Variants in ZCCHC7 observed in about 807,000 individuals in gnomAD.
ZCCHC7 encodes the protein zinc finger CCHC domain-containing protein 7.
ZCCHC7 carries 35 observed loss-of-function variants against 52.0 expected under a neutral mutation model. The observed-to-expected ratio is 0.67, with a 90% confidence interval of 0.51 to 0.89. The LOEUF (loss-of-function observed/expected upper bound fraction) is 0.89, where lower values mean the gene tolerates loss of function less well. Ranked by LOEUF, ZCCHC7 falls within the 40% of genes least tolerant of loss-of-function variation. ZCCHC7 has a pLI of 0.00. For missense variants in ZCCHC7, 574 were observed against 649.1 expected (o/e 0.88, Z 1.26); for synonymous variants, 217 against 221.5 (o/e 0.98, Z 0.18).
At chr9:37,298,664 T>A (rs939594742) in intron 2 of ZCCHC7, among the ~76,000 whole-genome samples, 3 of 152,212 alleles carry the variant, frequency 2.0e-5, no homozygotes, top group African/African-American at 7.2e-5. Context: ...CATTTTGGGA[T>A]GATGGAAATG....
At chr9:37,209,066 A>T (rs932095578) in intron 2 of ZCCHC7, among the ~76,000 whole-genome samples, 2 of 151,154 alleles carry the variant, frequency 1.3e-5, no homozygotes, top group African/African-American at 2.4e-5. Flanking sequence ...TTTGAGATGG[A>T]GTCTCACTCT....
At chr9:37,211,606 G>A (rs1205722760) in intron 2 of ZCCHC7, among the ~76,000 whole-genome samples, 1 of 152,032 alleles carries the variant, frequency 6.6e-6, no homozygotes, top group Non-Finnish European at 1.5e-5. Flanking sequence ...CTTAGTAATA[G>A]GATGTTAATT....
chr9:37,303,150 CGTG>C (rs1054221139), intron 3 of ZCCHC7, among the ~76,000 whole-genome samples: 4 of 152,010 alleles, frequency 2.6e-5, no homozygotes, highest in African/African-American at 9.7e-5. Flanking sequence ...GCTGGCCGGG[CGTG>C]GTGGCTCACA....
Position 37,289,126 on chromosome 9 carries a change from A to G in ZCCHC7, c.611-13062A>G, listed in dbSNP as rs574925236. 1.1e-3 allele frequency among the ~76,000 whole-genome samples: 164 copies of G among 149,980 alleles called. 1 individual carries two copies. Among genetic ancestry groups the G allele is most frequent in the African/African-American group, 3.3e-3 (135 of 40,932 alleles). ...TGCTGAGGCCAAAAACCTGGTAGTC[A>G]TCTTTTACTGTGTTCTTCTTTTACT... On this transcript the variant is annotated intron_variant, in intron 2 of 8. Coordinates refer to ENST00000336755, the MANE Select transcript of ZCCHC7 (RefSeq NM_032226.3).
At chr9:37,340,656 A>G (rs1174136557) in intron 6 of ZCCHC7, among the ~76,000 whole-genome samples, 1 of 152,202 alleles carries the variant, frequency 6.6e-6, no homozygotes, top group Non-Finnish European at 1.5e-5. Flanking sequence ...GACATGCTCC[A>G]AGGCATAAGT....
chr9:37,286,450 G>A (rs1828210712), intron 2 of ZCCHC7, among the ~76,000 whole-genome samples: 1 of 152,014 alleles, frequency 6.6e-6, no homozygotes, highest in African/African-American at 2.4e-5. Context: ...TTGAAATCAG[G>A]AGCTTGAGAC....
intron 2 of ZCCHC7, among the ~76,000 whole-genome samples, chr9:37,239,061 T>C (rs541955316): frequency 1.3e-5 from 2 of 152,262 alleles, no homozygotes; most frequent in South Asian, 4.1e-4. Context: ...GTGTTCTACA[T>C]AGATGAAAAG....
intron 6 of ZCCHC7, among the ~76,000 whole-genome samples, chr9:37,347,124 T>C (rs1458725327): frequency 6.6e-6 from 1 of 152,184 alleles, no homozygotes; most frequent in African/African-American, 2.4e-5. Context: ...CGTGGGGGTG[T>C]GCAGGGGTTA....
intron 4 of ZCCHC7, 92 bp downstream of exon 4, chr9:37,304,405 G>A (rs1226969682): frequency 8.2e-6 from 12 of 1,467,770 alleles, no homozygotes; most frequent in African/African-American, 1.4e-5. Flanking sequence ...TGTAATCCCA[G>A]CACTTTGGGA....
At chr9:37,271,793 C>T (rs1338225979) in intron 2 of ZCCHC7, among the ~76,000 whole-genome samples, 1 of 152,194 alleles carries the variant, frequency 6.6e-6, no homozygotes, top group Admixed American at 6.5e-5. Flanking sequence ...TGGTCTCAAA[C>T]TCCTGACCCC....
chr9:37,288,075 T>C (rs1402384447), intron 2 of ZCCHC7, among the ~76,000 whole-genome samples: 2 of 151,924 alleles, frequency 1.3e-5, no homozygotes, highest in Non-Finnish European at 2.9e-5. Flanking sequence ...GCCCAAAAAT[T>C]TGAGACCAGC....
intron 2 of ZCCHC7, among the ~76,000 whole-genome samples, chr9:37,217,128 G>A (rs1824548239): frequency 6.6e-6 from 1 of 152,030 alleles, no homozygotes; most frequent in South Asian, 2.1e-4. Context: ...TGAAGGTTAT[G>A]TTTTATAGTT....
At chr9:37,316,940 AAATAAT>A (rs1007729932) in intron 5 of ZCCHC7, among the ~76,000 whole-genome samples, 1 of 151,942 alleles carries the variant, frequency 6.6e-6, no homozygotes, top group East Asian at 1.9e-4. Context: ...AGATCAAAAA[AAATAAT>A]AATAATCAGA....
chr9:37,147,391 T>C (rs1259213434), intron 2 of ZCCHC7: 2 of 151,988 alleles, frequency 1.3e-5, no homozygotes, highest in East Asian at 3.8e-4. Flanking sequence ...GAAAGAGAGA[T>C]AAAGCAAGCA....
chr9:37,297,930 T>G (rs1007588254), intron 2 of ZCCHC7, among the ~76,000 whole-genome samples: 1 of 152,196 alleles, frequency 6.6e-6, no homozygotes, highest in Non-Finnish European at 1.5e-5. Context: ...GCTTCTATCT[T>G]TCAGAAATCC....
At chr9:37,269,429 G>A (rs1275959667) in intron 2 of ZCCHC7, among the ~76,000 whole-genome samples, 1 of 151,402 alleles carries the variant, frequency 6.6e-6, no homozygotes, top group Non-Finnish European at 1.5e-5. Context: ...TTTAGCCTGG[G>A]CAACGTAGTG....
At chr9:37,267,413 G>A (rs1413235670) in intron 2 of ZCCHC7, among the ~76,000 whole-genome samples, 2 of 151,956 alleles carry the variant, frequency 1.3e-5, no homozygotes, top group Non-Finnish European at 2.9e-5. Context: ...GGGAGACAGG[G>A]GAGAAGAACA....
At chr9:37,139,738 C>T (rs1843143667) in intron 2 of ZCCHC7, among the ~76,000 whole-genome samples, 1 of 151,920 alleles carries the variant, frequency 6.6e-6, no homozygotes, top group Non-Finnish European at 1.5e-5. Context: ...ATACAATTAA[C>T]TTATAACCAC....
At chr9:37,319,822 C>G (rs1203708547) in intron 5 of ZCCHC7, among the ~76,000 whole-genome samples, 1 of 152,088 alleles carries the variant, frequency 6.6e-6, no homozygotes, top group Non-Finnish European at 1.5e-5. Context: ...AGGTTTAGAT[C>G]AAGGTTCATT....
Sources: allele counts gnomAD v4.1 joint callset (sites outside exome capture counted in the v4.1 genomes callset), GRCh38; gene constraint gnomAD v4.1.1; transcripts MANE v1.5; gene names NCBI Gene and HGNC (gene_info 2026-07-23, HGNC 2026-07-21).